MYO9A: variants seen among roughly 807,000 people sequenced by gnomAD.
MYO9A encodes myosin IXA, also known as unconventional myosin-IXa.
Under a neutral mutation model 293.3 loss-of-function variants are expected in MYO9A, and 103 were observed. The observed-to-expected ratio is 0.35, with a 90% CI of 0.30 to 0.41. MYO9A has a LOEUF of 0.41. Among genes scored for constraint, MYO9A ranks in the 10% least tolerant of loss-of-function variants. The pLI, the probability that MYO9A is intolerant of heterozygous loss-of-function variation, is 1.00. For missense variants in MYO9A, 2,685 were observed against 3,033.0 expected, an observed-to-expected ratio of 0.89 and a Z score of 2.69; for synonymous variants, 1,001 against 1,035.7, an observed-to-expected ratio of 0.97 and a Z score of 0.64.
intron 4 of MYO9A, among the ~76,000 whole-genome samples, chr15:72,025,018 A>G (rs1021606831): frequency 7.2e-5 from 11 of 152,180 alleles, no homozygotes; most frequent in African/African-American, 2.7e-4. Context: ...GCTCTAATCT[A>G]AAGGTAGATA....
rs531807102 is a variant in MYO9A, at chr15:71,895,740, A to T, written c.5042+1721T>A. ...TTTTAAAGATAAGTAGATCATTAAT[A>T]AAGCAATAAAAGAAATCAACTCAAA... On this transcript the variant is annotated intron_variant, in intron 25 of 41. Transcript: ENST00000356056. Among the ~76,000 whole-genome samples, 19 of 152,224 alleles carry T rather than the reference A, an allele frequency of 1.2e-4. 1 individual carries two copies. In the South Asian group the frequency reaches 3.7e-3, roughly 30 times the overall value.
intron 7 of MYO9A, among the ~76,000 whole-genome samples, 165 bp from the exon 8 acceptor site, chr15:72,008,117 T>C (rs1596367794): frequency 6.6e-6 from 1 of 152,202 alleles, no homozygotes; most frequent in Non-Finnish European, 1.5e-5. Context: ...GGTTTACTTA[T>C]ATGTCAGGTA....
intron 3 of MYO9A, among the ~76,000 whole-genome samples, chr15:72,032,061 T>G (rs1291700268): frequency 6.6e-6 from 1 of 152,166 alleles, no homozygotes. Context: ...TTTGCGCCAC[T>G]GTGCCCGGCT....
At chr15:71,907,829 A>C (rs906837908) in intron 19 of MYO9A, among the ~76,000 whole-genome samples, 1 of 152,114 alleles carries the variant, frequency 6.6e-6, no homozygotes, top group African/African-American at 2.4e-5. Flanking sequence ...AGTTCATTGT[A>C]GATTCTGGAT....
chr15:71,904,652 CAAAACA>C (rs903954767), intron 20 of MYO9A, among the ~76,000 whole-genome samples: 3 of 151,920 alleles, frequency 2.0e-5, no homozygotes, highest in African/African-American at 7.3e-5. Context: ...GACTCTGCCT[CAAAACA>C]AAAACAAAAA....
chr15:72,069,138 T>C lies in MYO9A; in HGVS notation c.-71-22504A>G, dbSNP rs1019918870. Among the ~76,000 whole-genome samples, 3 of 152,198 alleles carry C rather than the reference T, an allele frequency of 2.0e-5. No homozygotes were observed. In the East Asian group the frequency reaches 5.8e-4, roughly 29 times the overall value. On this transcript the variant is annotated intron_variant, in intron 1 of 41. Coordinates refer to ENST00000356056, the MANE Select transcript of MYO9A (RefSeq NM_006901.4). ...GATAAGGTATATATCATATCTCCTT[T>C]ATGAACTCACAAGCTCTTAGGTAGC...
intron 4 of MYO9A, among the ~76,000 whole-genome samples, 185 bp downstream of exon 4, chr15:72,027,546 A>C (rs1192404273): frequency 2.6e-5 from 4 of 152,214 alleles, no homozygotes. Context: ...TCTATATACC[A>C]AATAAAGATC....
intron 18 of MYO9A, among the ~76,000 whole-genome samples, chr15:71,917,412 G>C (rs1285888516): frequency 6.6e-6 from 1 of 152,128 alleles, no homozygotes; most frequent in Non-Finnish European, 1.5e-5. Flanking sequence ...GCACGTGCCT[G>C]TAGTCCCAGC....
intron 39 of MYO9A, among the ~76,000 whole-genome samples, chr15:71,838,206 G>C (rs565818419): frequency 1.3e-5 from 2 of 151,972 alleles, no homozygotes; most frequent in South Asian, 4.1e-4. Flanking sequence ...TTACTTATAG[G>C]AGCTTCTCTT....
intron 1 of MYO9A, among the ~76,000 whole-genome samples, chr15:72,064,517 G>C (rs2078964375): frequency 6.6e-6 from 1 of 152,192 alleles, no homozygotes; most frequent in Non-Finnish European, 1.5e-5. Flanking sequence ...ACTGAAACAA[G>C]AGGGAACTCT....
chr15:71,868,791 C>CA (rs1296915298), intron 32 of MYO9A, among the ~76,000 whole-genome samples: 1 of 151,896 alleles, frequency 6.6e-6, no homozygotes, highest in Non-Finnish European at 1.5e-5. Flanking sequence ...CACTAGAAGA[C>CA]AAAGGGGGTT....
chr15:71,888,350 C>T (rs1478406951), intron 26 of MYO9A: 1 of 255,574 alleles, frequency 3.9e-6, no homozygotes, highest in Non-Finnish European at 7.4e-6. Context: ...TATTTTCTGA[C>T]AATTTAAAAA....
At chr15:72,097,658 T>C (rs371425275) in intron 1 of MYO9A, among the ~76,000 whole-genome samples, 3 of 151,994 alleles carry the variant, frequency 2.0e-5, no homozygotes, top group South Asian at 2.1e-4. Context: ...AACAAAAATA[T>C]TTAAAAACTG....
intron 32 of MYO9A, among the ~76,000 whole-genome samples, chr15:71,871,586 G>A (rs918854322): frequency 2.6e-5 from 4 of 151,512 alleles, no homozygotes; most frequent in African/African-American, 4.9e-5. Context: ...GGATGCTGAG[G>A]TGGGAGGGCA....
rs2055576717 is a variant in MYO9A, at chr15:71,850,228, G to C, written c.6582-61C>G. The C allele has an allele frequency of 5.1e-6, 8 of 1,574,158 alleles. No individual in the cohort carries two copies. In the Admixed American group the frequency reaches 8.4e-5, roughly 16 times the overall value. On this transcript the variant is annotated intron_variant, in intron 37 of 41. Coordinates refer to ENST00000356056, the MANE Select transcript of MYO9A (RefSeq NM_006901.4). Reference sequence around the variant, plus strand: ...AGGGATAAAAAGGGAGCACCATAGGGAAATAGGCAGAAGAGATGAGCAAAA... The same window carrying C: ...AGGGATAAAAAGGGAGCACCATAGGCAAATAGGCAGAAGAGATGAGCAAAA...
chr15:72,073,359 A>G (rs1354536500), intron 1 of MYO9A, among the ~76,000 whole-genome samples: 1 of 152,242 alleles, frequency 6.6e-6, no homozygotes, highest in East Asian at 1.9e-4. Context: ...GTCAGGGTCC[A>G]TGGAACATCA....
At chr15:72,054,328 C>G (rs1340645492) in intron 1 of MYO9A, among the ~76,000 whole-genome samples, 1 of 152,146 alleles carries the variant, frequency 6.6e-6, no homozygotes, top group Non-Finnish European at 1.5e-5. Context: ...GAGGAAGCCA[C>G]AGAGTGGCAA....
chr15:71,893,137 C>T (rs1317728900), intron 26 of MYO9A: 20 of 1,286,702 alleles, frequency 1.6e-5, no homozygotes, highest in Non-Finnish European at 2.0e-5. Context: ...GGAGCGCGTC[C>T]GCGCCATTCG....
intron 1 of MYO9A, among the ~76,000 whole-genome samples, chr15:72,065,230 C>T (rs1482379268): frequency 6.6e-6 from 1 of 152,020 alleles, no homozygotes; most frequent in African/African-American, 2.4e-5. Context: ...AGAATATTTA[C>T]ATGAGCCAGG....
Sources: gnomAD v4.1 joint callset for allele counts (sites outside exome capture counted in the v4.1 genomes callset) on GRCh38, gnomAD v4.1.1 for gene constraint, MANE v1.5 for transcripts, NCBI Gene and HGNC (gene_info 2026-07-23, HGNC 2026-07-21) for gene names.